The following MCPH1 variants were observed in gnomAD, a reference collection of about 807,000 sequenced individuals.
MCPH1 encodes the protein microcephalin 1.
In MCPH1, 104 loss-of-function variants were observed where a neutral mutation model predicts 84.5. That is an observed-to-expected ratio of 1.23 (90% CI 1.05 to 1.45). MCPH1 has a LOEUF of 1.45. Ranked by LOEUF, MCPH1 falls within the 40% of genes most tolerant of loss-of-function variation. MCPH1 has a pLI of 0.00. For synonymous variants in MCPH1, 514 were observed against 366.8 expected (o/e 1.40, Z -4.58); for missense variants, 1,498 against 1,005.7 (o/e 1.49, Z -6.62).
chr8:6,523,465 C>A (rs936992106), intron 12 of MCPH1, among the ~76,000 whole-genome samples: 4 of 152,148 alleles, frequency 2.6e-5, no homozygotes, highest in African/African-American at 4.8e-5. Flanking sequence ...AAAAATAGTT[C>A]CTGTCCATTA....
intron 7 of MCPH1, 123 bp downstream of exon 7, chr8:6,442,279 A>G (rs989842384): frequency 4.5e-6 from 3 of 672,708 alleles, no homozygotes; most frequent in Non-Finnish European, 7.9e-6. Flanking sequence ...TAGAACTTCT[A>G]AATTTCCCCC....
chr8:6,588,008 G>T (rs948800628), intron 12 of MCPH1, among the ~76,000 whole-genome samples: 1 of 152,332 alleles, frequency 6.6e-6, no homozygotes, highest in East Asian at 1.9e-4. Context: ...GTCTTAAGCT[G>T]TCTGAAGTCA....
At chr8:6,591,501 C>T (rs1453988930) in intron 12 of MCPH1, among the ~76,000 whole-genome samples, 1 of 152,214 alleles carries the variant, frequency 6.6e-6, no homozygotes, top group Non-Finnish European at 1.5e-5. Flanking sequence ...GGAACATAGG[C>T]ATCTTTCTCT....
intron 4 of MCPH1, 30 bp from the exon 5 acceptor site, chr8:6,436,018 A>G (rs557923447): frequency 1.9e-6 from 3 of 1,611,650 alleles, no homozygotes; most frequent in Non-Finnish European, 2.5e-6. Context: ...GTTGCAGTAC[A>G]GCATTAATTT....
chr8:6,492,236 C>T (rs2916723), intron 11 of MCPH1, among the ~76,000 whole-genome samples: 36,884 of 152,108 alleles, frequency 0.24, 4,618 homozygotes, highest in Middle Eastern at 0.31. Flanking sequence ...AGTGATGATG[C>T]GCATGTTTTC....
At chr8:6,413,735 G>A (rs752332010) in intron 2 of MCPH1, among the ~76,000 whole-genome samples, 2 of 149,142 alleles carry the variant, frequency 1.3e-5, no homozygotes, top group Non-Finnish European at 3.0e-5. Flanking sequence ...TTCTGATCAT[G>A]TTGCGTGAAT....
At chr8:6,612,696 C>G (rs142872351) in intron 12 of MCPH1, among the ~76,000 whole-genome samples, 1,878 of 152,310 alleles carry the variant, frequency 0.012, 38 homozygotes, top group African/African-American at 0.042. Context: ...GGCGCCTCCT[C>G]CGCTCACATC....
At chr8:6,563,518 C>G (rs539336441) in intron 12 of MCPH1, 1 of 152,332 alleles carries the variant, frequency 6.6e-6, no homozygotes, top group South Asian at 2.1e-4. Context: ...CAGTTGATCT[C>G]TTTTGTCTGA....
chr8:6,619,710 G>A (rs1229101371), intron 12 of MCPH1, among the ~76,000 whole-genome samples: 3 of 151,970 alleles, frequency 2.0e-5, no homozygotes, highest in African/African-American at 4.8e-5. Flanking sequence ...TCAGCCTCCC[G>A]AGTAGCTGGG....
rs776261508 is a variant in MCPH1, at chr8:6,445,244, A to G, written c.1522A>G (p.Arg508Gly). Residue 508 changes from arginine to glycine, a missense_variant, in exon 8 of 14, where the codon AGG becomes GGG. Coordinates refer to ENST00000344683, the MANE Select transcript of MCPH1 (RefSeq NM_024596.5). ...CVTSAPEEAL[R>G]CCRQAGKEDA... ...GACTTCTGCCCCTGAAGAAGCCCTA[A>G]GGTGTTGTAGACAGGCTGGGAAAGA... 16 of 1,614,106 alleles carry G rather than the reference A, an allele frequency of 9.9e-6. No homozygotes were observed. The highest frequency in any genetic ancestry group is 1.4e-5 in the Non-Finnish European group (16 of 1,180,044).
intron 12 of MCPH1, among the ~76,000 whole-genome samples, chr8:6,517,295 C>A (rs1016140131): frequency 2.6e-5 from 4 of 152,138 alleles, no homozygotes; most frequent in African/African-American, 9.7e-5. Flanking sequence ...TGATGTTTTT[C>A]AGCAAATAAT....
intron 9 of MCPH1, among the ~76,000 whole-genome samples, chr8:6,475,228 A>C (rs942161006): frequency 3.3e-5 from 5 of 152,228 alleles, no homozygotes; most frequent in Non-Finnish European, 5.9e-5. Context: ...AGTGCAGCTA[A>C]TGACCCTGCC....
At chr8:6,520,467 C>G (rs1039748260) in intron 12 of MCPH1, among the ~76,000 whole-genome samples, 6 of 152,162 alleles carry the variant, frequency 3.9e-5, no homozygotes, top group Non-Finnish European at 8.8e-5. Flanking sequence ...CACATCTCAG[C>G]TTACCGCATC....
At chr8:6,473,748 A>T in intron 9 of MCPH1, 1 of 608,644 alleles carries the variant, frequency 1.6e-6, no homozygotes, top group Non-Finnish European at 2.6e-6. Context: ...CTGCAACATG[A>T]GTTTAATAAA....
intron 8 of MCPH1, among the ~76,000 whole-genome samples, chr8:6,451,930 T>A (rs1307669604): frequency 2.0e-5 from 3 of 152,224 alleles, no homozygotes; most frequent in Non-Finnish European, 4.4e-5. Flanking sequence ...ATTGTTTAAA[T>A]GTGTTATTAA....
chr8:6,536,043 T>C (rs1226331856), intron 12 of MCPH1, among the ~76,000 whole-genome samples: 1 of 152,024 alleles, frequency 6.6e-6, no homozygotes, highest in Admixed American at 6.6e-5. Context: ...GGCGACAGAG[T>C]GAGACCTTGT....
Position 6,621,675 on chromosome 8 carries a change from T to G in MCPH1, c.2436T>G (p.Ser812=), listed in dbSNP as rs1413912384. 2 of 1,614,102 alleles carry G rather than the reference T, an allele frequency of 1.2e-6. No individual in the cohort carries two copies. The highest frequency in any genetic ancestry group is 1.3e-5 in the African/African-American group (1 of 74,932). The change falls in exon 13 of 14, where the codon TCT becomes TCG. Residue 812 remains serine, a synonymous_variant. Transcript: ENST00000344683. ...AGAAAGCCACAGTCAAGTATCTGTCTGAGAAATGGGTCTTAGGTAAGAATC... is the reference window on the plus strand; with the variant it reads ...AGAAAGCCACAGTCAAGTATCTGTCGGAGAAATGGGTCTTAGGTAAGAATC... ...GKKKATVKYL[S]EKWVLDSITQ...
intron 12 of MCPH1, among the ~76,000 whole-genome samples, chr8:6,509,533 C>T (rs909013910): frequency 6.6e-6 from 1 of 152,156 alleles, no homozygotes; most frequent in African/African-American, 2.4e-5. Context: ...AAGAAATCTA[C>T]AGAACGGTGC....
intron 12 of MCPH1, chr8:6,562,986 G>A (rs774872327): frequency 8.5e-6 from 13 of 1,532,160 alleles, no homozygotes; most frequent in Non-Finnish European, 1.1e-5. Context: ...GCAAACACAC[G>A]TCCAGAGTCC....
Sources: gnomAD v4.1 joint callset for allele counts (sites outside exome capture counted in the v4.1 genomes callset) on GRCh38, gnomAD v4.1.1 for gene constraint, MANE v1.5 for transcripts, NCBI Gene and HGNC (gene_info 2026-07-23, HGNC 2026-07-21) for gene names.